Variants in TECPR2 observed in about 807,000 individuals in gnomAD.
TECPR2 encodes tectonin beta-propeller repeat-containing protein 2.
Under a neutral mutation model 138.1 loss-of-function variants are expected in TECPR2, and 65 were observed. The observed-to-expected ratio is 0.47, with a 90% confidence interval of 0.39 to 0.58. The LOEUF (loss-of-function observed/expected upper bound fraction) is 0.58. TECPR2 is among the 20% of genes least tolerant of loss of function. The pLI, the probability that TECPR2 is intolerant of heterozygous loss-of-function variation, is 0.00. For missense variants in TECPR2, 1,553 were observed against 1,824.5 expected, an observed-to-expected ratio of 0.85 and a Z score of 2.71; for synonymous variants, 746 against 749.8, an observed-to-expected ratio of 0.99 and a Z score of 0.08.
chr14:102,496,715 C>A (rs959622585), intron 17 of TECPR2, among the ~76,000 whole-genome samples: 2 of 152,196 alleles, frequency 1.3e-5, no homozygotes, highest in Admixed American at 6.5e-5. Context: ...CTGGGCCATC[C>A]CTGCCCTTCT....
At chr14:102,468,009 T>A (rs1890584010) in intron 17 of TECPR2, among the ~76,000 whole-genome samples, 1 of 150,832 alleles carries the variant, frequency 6.6e-6, no homozygotes, top group Admixed American at 6.6e-5. Context: ...GCTATTTTTT[T>A]TTTTCCATAT....
chr14:102,406,106 G>C (rs1200439182), intron 2 of TECPR2, among the ~76,000 whole-genome samples: 1 of 152,166 alleles, frequency 6.6e-6, no homozygotes, highest in African/African-American at 2.4e-5. Context: ...TTGTTTAATA[G>C]AGTTTCAGTT....
At chr14:102,463,349 G>A (rs1254037920) in intron 16 of TECPR2, among the ~76,000 whole-genome samples, 10 of 149,230 alleles carry the variant, frequency 6.7e-5, no homozygotes, top group South Asian at 2.1e-4. Context: ...CCCGGGAGGC[G>A]GAGCTTGCAG....
intron 2 of TECPR2, among the ~76,000 whole-genome samples, chr14:102,381,339 G>A (rs976839261): frequency 1.3e-5 from 2 of 152,220 alleles, no homozygotes; most frequent in Non-Finnish European, 2.9e-5. Context: ...TTGGGAGGCT[G>A]AGGCAGGTGG....
At chr14:102,465,111 T>A (rs1890522885) in intron 16 of TECPR2, 30 bp from the exon 17 acceptor site, 1 of 1,609,292 alleles carries the variant, frequency 6.2e-7, no homozygotes, top group African/African-American at 1.3e-5. Context: ...CAAAAGTAAT[T>A]ATAGTGTGTG....
At chr14:102,450,801 C>T in intron 15 of TECPR2, 152 bp downstream of exon 15, 1 of 743,300 alleles carries the variant, frequency 1.3e-6, no homozygotes. Context: ...CCCTTGTTAG[C>T]TGAGCCGAGG....
rs1002342579 is a variant in TECPR2, at chr14:102,362,971, G to A, written c.-218G>A. 1.4e-5 allele frequency: 19 copies of A among 1,346,552 alleles called. No individual in the cohort carries two copies. The highest frequency in any genetic ancestry group is 7.2e-5 in the African/African-American group (5 of 69,112). The allele number at this position is 1,346,552 out of a possible 1,614,324, so 83.4% of individuals were successfully genotyped here. On this transcript the variant is annotated 5_prime_UTR_variant, in exon 1 of 20. Coordinates refer to ENST00000359520, the MANE Select transcript of TECPR2 (RefSeq NM_014844.5). ...TGGCTCTGCCGCTCTAGCCCCCGGC[G>A]GAGCCAGCTGCTGCTCTTCGGTGCT...
At chr14:102,365,456 G>C (rs1887318901) in intron 1 of TECPR2, among the ~76,000 whole-genome samples, 1 of 152,208 alleles carries the variant, frequency 6.6e-6, no homozygotes, top group African/African-American at 2.4e-5. Context: ...ACAGGTTATG[G>C]TGTGTGCAGG....
intron 9 of TECPR2, among the ~76,000 whole-genome samples, chr14:102,436,229 C>T (rs932517126): frequency 1.1e-4 from 17 of 152,188 alleles, no homozygotes; most frequent in Non-Finnish European, 2.4e-4. Context: ...CACTCACCCT[C>T]TGTGCTGTCA....
intron 2 of TECPR2, among the ~76,000 whole-genome samples, chr14:102,398,466 A>G (rs111337631): frequency 6.6e-6 from 1 of 152,198 alleles, no homozygotes; most frequent in Non-Finnish European, 1.5e-5. Flanking sequence ...GACGAGAGAC[A>G]TGGATATAAA....
At chr14:102,432,788 G>A (rs1386795679) in intron 8 of TECPR2, among the ~76,000 whole-genome samples, 4 of 151,828 alleles carry the variant, frequency 2.6e-5, no homozygotes, top group Non-Finnish European at 4.4e-5. Context: ...GGCGGATCAC[G>A]AGGTCAAGAG....
At chr14:102,417,891 T>G (rs1889071907) in intron 5 of TECPR2, among the ~76,000 whole-genome samples, 1 of 141,318 alleles carries the variant, frequency 7.1e-6, no homozygotes, top group Admixed American at 7.0e-5. Flanking sequence ...GGCACGGGAG[T>G]CCAGGGGAGC....
intron 6 of TECPR2, among the ~76,000 whole-genome samples, chr14:102,427,675 G>A (rs1889360012): frequency 6.6e-6 from 1 of 152,154 alleles, no homozygotes; most frequent in African/African-American, 2.4e-5. Flanking sequence ...AAACCCATGA[G>A]TTGCAGTGCG....
chr14:102,437,668 G>T (rs1889704347), intron 9 of TECPR2, among the ~76,000 whole-genome samples: 1 of 152,168 alleles, frequency 6.6e-6, no homozygotes, highest in South Asian at 2.1e-4. Flanking sequence ...TCCAAATGTT[G>T]AAGAACCTGG....
At chr14:102,462,054 CTTTTA>C (rs1252920824) in intron 16 of TECPR2, among the ~76,000 whole-genome samples, 40 of 152,130 alleles carry the variant, frequency 2.6e-4, no homozygotes, top group South Asian at 4.1e-4. Context: ...ATCTAGTAGT[CTTTTA>C]TATGTGTTCT....
chr14:102,399,796 G>A (rs945237006), intron 2 of TECPR2, among the ~76,000 whole-genome samples: 7 of 150,208 alleles, frequency 4.7e-5, no homozygotes, highest in African/African-American at 7.4e-5. Context: ...TGGCCACTGC[G>A]CTCCAGCCTG....
intron 1 of TECPR2, among the ~76,000 whole-genome samples, chr14:102,369,865 G>C (rs1887453412): frequency 1.3e-5 from 2 of 151,910 alleles, no homozygotes; most frequent in African/African-American, 4.8e-5. Context: ...GGCTGAGGCA[G>C]AATGGCATGA....
intron 2 of TECPR2, among the ~76,000 whole-genome samples, chr14:102,388,817 C>T (rs780526257): frequency 2.0e-5 from 3 of 151,976 alleles, no homozygotes; most frequent in Non-Finnish European, 4.4e-5. Context: ...AAAAATTAGC[C>T]GGGTGAGATG....
chr14:102,431,123 A>G (rs1353209971), intron 7 of TECPR2, among the ~76,000 whole-genome samples: 1 of 149,038 alleles, frequency 6.7e-6, no homozygotes, highest in Non-Finnish European at 1.5e-5. Context: ...TCCCAGGCTC[A>G]AATGATTCTC....
Sources: gnomAD v4.1 joint callset for allele counts (sites outside exome capture counted in the v4.1 genomes callset) on GRCh38, gnomAD v4.1.1 for gene constraint, MANE v1.5 for transcripts, NCBI Gene and HGNC (gene_info 2026-07-23, HGNC 2026-07-21) for gene names.